AGO3: variants seen among roughly 807,000 people sequenced by gnomAD.
The protein encoded by AGO3 is protein argonaute-3.
A neutral mutation model predicts 105.5 loss-of-function variants in AGO3; 16 were observed. The observed-to-expected ratio is 0.15, with a 90% CI of 0.10 to 0.23. The LOEUF (loss-of-function observed/expected upper bound fraction) is 0.23, where lower values mean the gene tolerates loss of function less well. AGO3 is among the 10% of genes least tolerant of loss of function. The pLI, the probability that AGO3 is intolerant of heterozygous loss-of-function variation, is 1.00. For synonymous variants in AGO3, 340 were observed against 367.3 expected (o/e 0.93, Z 0.85); for missense variants, 534 against 1,088.0 (o/e 0.49, Z 7.16).
chr1:35,954,943 A>G (rs1340849044), intron 2 of AGO3, among the ~76,000 whole-genome samples: 1 of 152,252 alleles, frequency 6.6e-6, no homozygotes, highest in East Asian at 1.9e-4. Flanking sequence ...GTGCTGATAT[A>G]TGCTACAACA....
At chr1:36,005,447 G>A (rs1317585344) in intron 6 of AGO3, among the ~76,000 whole-genome samples, 4 of 152,162 alleles carry the variant, frequency 2.6e-5, no homozygotes, top group Admixed American at 2.0e-4. Context: ...TTGAAAATAA[G>A]CATCCATTTA....
chr1:36,028,167 A>G (rs1373192790), intron 12 of AGO3, among the ~76,000 whole-genome samples: 5 of 152,136 alleles, frequency 3.3e-5, no homozygotes, highest in Admixed American at 3.3e-4. Context: ...TCGGCCTCCC[A>G]AGTAGCTGGA....
At chr1:35,951,474 T>G (rs1441884489) in intron 2 of AGO3, among the ~76,000 whole-genome samples, 1 of 152,160 alleles carries the variant, frequency 6.6e-6, no homozygotes, top group Non-Finnish European at 1.5e-5. Flanking sequence ...CACAGTTCAC[T>G]GCAGCCTTGA....
At chr1:35,986,311 C>A (rs751256219) in intron 5 of AGO3, among the ~76,000 whole-genome samples, 1 of 152,108 alleles carries the variant, frequency 6.6e-6, no homozygotes, top group Admixed American at 6.5e-5. Context: ...ATAAACAGCA[C>A]GTAAATAGTT....
At chr1:35,943,144 C>T (rs1646288271) in intron 1 of AGO3, among the ~76,000 whole-genome samples, 1 of 151,654 alleles carries the variant, frequency 6.6e-6, no homozygotes, top group Admixed American at 6.6e-5. Flanking sequence ...CTGGTGGCTA[C>T]AGGTGCACAC....
intron 17 of AGO3, among the ~76,000 whole-genome samples, chr1:36,048,866 A>T (rs1642582668): frequency 6.6e-6 from 1 of 151,898 alleles, no homozygotes; most frequent in African/African-American, 2.4e-5. Flanking sequence ...GCATCACCAC[A>T]CCTGGCTTAT....
intron 1 of AGO3, among the ~76,000 whole-genome samples, chr1:35,934,586 A>G (rs1646114182): frequency 6.6e-6 from 1 of 152,210 alleles, no homozygotes; most frequent in Non-Finnish European, 1.5e-5. Flanking sequence ...GGTCAAAAAT[A>G]CCTACTAAAA....
chr1:36,040,540 A>G, intron 16 of AGO3, 99 bp downstream of exon 16: 5 of 1,312,810 alleles, frequency 3.8e-6, no homozygotes, highest in Non-Finnish European at 4.2e-6. Context: ...CAGGATTTCC[A>G]ATATATAGTA....
chr1:36,029,454 G>A (rs1201069376), intron 12 of AGO3, among the ~76,000 whole-genome samples: 1 of 148,792 alleles, frequency 6.7e-6, no homozygotes, highest in East Asian at 2.0e-4. Flanking sequence ...GAGTGCAGTG[G>A]TGCGATCTCG....
intron 2 of AGO3, among the ~76,000 whole-genome samples, chr1:35,965,529 T>G (rs1340948971): frequency 6.6e-6 from 1 of 150,654 alleles, no homozygotes; most frequent in East Asian, 1.9e-4. Context: ...GAAACCAGAT[T>G]TAGTAATAGT....
At chr1:35,951,284 C>T (rs1646466204) in intron 2 of AGO3, among the ~76,000 whole-genome samples, 1 of 152,198 alleles carries the variant, frequency 6.6e-6, no homozygotes, top group East Asian at 1.9e-4. Flanking sequence ...TTTTCTTTTA[C>T]AAATGAAACA....
At chr1:36,016,357 T>C (rs539025288) in intron 11 of AGO3, among the ~76,000 whole-genome samples, 2 of 152,196 alleles carry the variant, frequency 1.3e-5, no homozygotes, top group African/African-American at 4.8e-5. Context: ...AATTTTTGTA[T>C]TTTTAGTAGA....
intron 5 of AGO3, among the ~76,000 whole-genome samples, chr1:36,003,459 C>G (rs943120134): frequency 3.3e-5 from 5 of 151,864 alleles, no homozygotes; most frequent in Non-Finnish European, 7.4e-5. Flanking sequence ...CTTTGGGAGG[C>G]TGAGGCAGGC....
In AGO3 at chr1:36,055,383, A is replaced by G. The variant is rs1172451788; in HGVS notation, c.2474+238A>G. The stretch of plus-strand genomic sequence containing the variant: ...AGGAGAGATTATTGGTAATAAAGTG[A>G]TACATTCAGACAGATAGACAAAATG... On this transcript the variant is annotated intron_variant, in intron 18 of 18. Transcript: ENST00000373191. This position sits in a 1 kb window ranked among gnomAD's most constrained non-coding sequence, Gnocchi z 4.4. The G allele has an allele frequency of 9.8e-6, 6 of 610,716 alleles. No homozygotes were observed. Among genetic ancestry groups the G allele is most frequent in the Non-Finnish European group, 1.7e-5 (6 of 348,136 alleles). The allele number at this position is 610,716 out of a possible 1,614,324, so 37.8% of individuals were successfully genotyped here. A position where few individuals can be genotyped will look rare whatever the true frequency, so the allele number is the denominator to read the frequency against.
In AGO3 at chr1:36,015,211, CACTT is replaced by C. The variant is rs140595024; in HGVS notation, c.1406+1167_1406+1170del. Among the ~76,000 whole-genome samples the C allele has an allele frequency of 2.8e-4, 42 of 152,256 alleles. 1 individual carries two copies. The highest frequency in any genetic ancestry group is 9.6e-4 in the African/African-American group (40 of 41,548). On this transcript the variant is annotated intron_variant, in intron 11 of 18. Coordinates refer to ENST00000373191, the MANE Select transcript of AGO3 (RefSeq NM_024852.4). ...AGAGCAGCTCACAGAACTAGGGAAA[CACTT>C]ACTATGTTTACTGTTTTATTATAAA...
In AGO3 at chr1:36,008,540, T is replaced by A; in HGVS notation, c.794-150T>A. ...TGTGACCATTATTAGCAATGTTATA[T>A]GTAAAATCTGGTGTTTATATCATCT... On this transcript the variant is annotated intron_variant, in intron 6 of 18. Transcript: ENST00000373191. This position sits in a 1 kb window ranked among gnomAD's most constrained non-coding sequence, Gnocchi z 5.1. The A allele has an allele frequency of 1.4e-6, 1 of 691,158 alleles. No homozygotes were observed. Among genetic ancestry groups the A allele is most frequent in the Non-Finnish European group, 2.4e-6 (1 of 420,318 alleles). The allele number at this position is 691,158 out of a possible 1,614,324, so 42.8% of individuals were successfully genotyped here. A position where few individuals can be genotyped will look rare whatever the true frequency, so the allele number is the denominator to read the frequency against.
intron 3 of AGO3, among the ~76,000 whole-genome samples, chr1:35,969,491 C>T (rs1039732663): frequency 2.0e-5 from 3 of 152,042 alleles, no homozygotes; most frequent in South Asian, 2.1e-4. Context: ...ATTCATTCTC[C>T]GTATGTTCAT....
At chr1:35,941,871 G>A (rs908405430) in intron 1 of AGO3, among the ~76,000 whole-genome samples, 3 of 152,104 alleles carry the variant, frequency 2.0e-5, no homozygotes, top group Admixed American at 6.5e-5. Context: ...TAAAATAAAA[G>A]CACTTAGCAC....
chr1:35,986,995 CAAA>C (rs56230663), intron 5 of AGO3, among the ~76,000 whole-genome samples: 1 of 115,030 alleles, frequency 8.7e-6, no homozygotes. Flanking sequence ...GACTCCGTCT[CAAA>C]AAAAAAAAAA....
Sources: gnomAD v4.1 joint callset for allele counts (sites outside exome capture counted in the v4.1 genomes callset) on GRCh38, gnomAD v4.1.1 for gene constraint, Gnocchi (gnomAD v3.1) non-coding constraint, MANE v1.5 for transcripts, NCBI Gene and HGNC (gene_info 2026-07-23, HGNC 2026-07-21) for gene names.